The following ZNF90 variants were observed in gnomAD, a reference collection of about 807,000 sequenced individuals.
ZNF90 encodes zinc finger protein 90, also known as zinc finger protein HTF9.
ZNF90 carries 11 observed loss-of-function variants against 12.0 expected under a neutral mutation model. The observed-to-expected ratio is 0.92, with a 90% CI of 0.58 to 1.52. The LOEUF (loss-of-function observed/expected upper bound fraction) is 1.52, where lower values mean the gene tolerates loss of function less well. ZNF90 is among the 40% of genes most tolerant of loss of function. The pLI is 0.00. For synonymous variants in ZNF90, 232 were observed against 240.1 expected, an observed-to-expected ratio of 0.97 and a Z score of 0.31; for missense variants, 765 against 711.5, an observed-to-expected ratio of 1.08 and a Z score of -0.86.
chr19:20,090,912 G>T (rs1307176122), intron 1 of ZNF90, among the ~76,000 whole-genome samples: 4 of 152,140 alleles, frequency 2.6e-5, no homozygotes, highest in Admixed American at 2.6e-4. Context: ...CCATTAGTCC[G>T]TTCTACCTTT....
intron 1 of ZNF90, chr19:20,079,985 G>C (rs773876007): frequency 3.0e-6 from 1 of 334,470 alleles, no homozygotes; most frequent in Non-Finnish European, 5.7e-6. Context: ...GCCCAGGCTG[G>C]AGTGCAATGG....
chr19:20,104,279 T>G lies in ZNF90; in HGVS notation c.44T>G (p.Leu15Arg). The G allele has an allele frequency of 6.2e-7, 1 of 1,614,100 alleles. No homozygotes were observed. The highest frequency in any genetic ancestry group is 8.5e-7 in the Non-Finnish European group (1 of 1,179,980). Residue 15 changes from leucine to arginine, a missense_variant, in exon 2 of 4, where the codon CTG becomes CGG. Coordinates refer to ENST00000418063, the MANE Select transcript of ZNF90 (RefSeq NM_007138.2). ...AGAGATGTGGCCATAGAATTCTCTCTGGAGGAGTGGCATTGCCTGGACACT... is the reference window on the plus strand; with the variant it reads ...AGAGATGTGGCCATAGAATTCTCTCGGGAGGAGTGGCATTGCCTGGACACT... ...EFRDVAIEFS[L>R]EEWHCLDTAQ...
intron 1 of ZNF90, among the ~76,000 whole-genome samples, chr19:20,084,774 T>C (rs2088846049): frequency 6.6e-6 from 1 of 152,236 alleles, no homozygotes; most frequent in African/African-American, 2.4e-5. Context: ...GCTAGTTAGC[T>C]TCATATATGT....
At chr19:20,080,221 G>C (rs888042294) in intron 1 of ZNF90, 1 of 578,948 alleles carries the variant, frequency 1.7e-6, no homozygotes, top group Non-Finnish European at 3.4e-6. Context: ...TCCTGACGGT[G>C]TGCTGTTGAT....
rs375392718 is a variant in ZNF90, at chr19:20,119,622, CTT to C, written c.*276_*277del. On this transcript the variant is annotated 3_prime_UTR_variant, in exon 4 of 4. Coordinates refer to ENST00000418063, the MANE Select transcript of ZNF90 (RefSeq NM_007138.2). ...CAAAGCCTATAACAAGTTCTCAATT[CTT>C]TTTTTTTTTTTTTAAGAAGGAGTTT... The C allele has an allele frequency of 5.3e-3, 1,240 of 232,290 alleles. No individual in the cohort carries two copies. The highest frequency in any genetic ancestry group is 9.8e-3 in the South Asian group (131 of 13,326). The allele number at this position is 232,290 out of a possible 1,614,324, so 14.4% of individuals were successfully genotyped here.
At chr19:20,110,968 G>C (rs770143743) in intron 3 of ZNF90, among the ~76,000 whole-genome samples, 2 of 152,098 alleles carry the variant, frequency 1.3e-5, no homozygotes, top group Non-Finnish European at 2.9e-5. Flanking sequence ...ATTTTCTAAA[G>C]GACGTTGTTA....
rs547596661 is a variant in ZNF90 at position 20,094,437 on chromosome 19, C to T, written c.4-9802C>T. On this transcript the variant is annotated intron_variant, in intron 1 of 3. Coordinates refer to ENST00000418063, the MANE Select transcript of ZNF90 (RefSeq NM_007138.2). ...CTAAGGGTTGCTGCTAAGCGGGCCA[C>T]GACCTGGGCTGGGTTTTCATCTTCA... 5.8e-4 allele frequency among the ~76,000 whole-genome samples: 88 copies of T among 152,310 alleles called. 2 individuals are homozygous for T. The Middle Eastern group carries it at 0.027, about 47-fold the overall frequency.
chr19:20,089,785 G>A (rs993247372), intron 1 of ZNF90, among the ~76,000 whole-genome samples: 4 of 152,096 alleles, frequency 2.6e-5, no homozygotes, highest in African/African-American at 9.7e-5. Context: ...GTAGGGAGAC[G>A]GGGGGTGTTG....
At chr19:20,109,550 A>C (rs1222759796) in intron 3 of ZNF90, among the ~76,000 whole-genome samples, 1 of 152,114 alleles carries the variant, frequency 6.6e-6, no homozygotes, top group Non-Finnish European at 1.5e-5. Flanking sequence ...ACATAACATA[A>C]AATTTACCAT....
intron 3 of ZNF90, among the ~76,000 whole-genome samples, chr19:20,110,315 G>A (rs1468337126): frequency 1.3e-5 from 2 of 152,034 alleles, no homozygotes; most frequent in East Asian, 3.9e-4. Flanking sequence ...GTCTTGCTCT[G>A]TTGCCCAGGC....
chr19:20,104,408 G>T (rs1282850051), intron 2 of ZNF90, 43 bp downstream of exon 2: 2 of 1,543,772 alleles, frequency 1.3e-6, no homozygotes, highest in Non-Finnish European at 1.7e-6. Context: ...TACCCTAAAG[G>T]TTGTTTTTAT....
At chr19:20,113,524 T>G (rs911238904) in intron 3 of ZNF90, among the ~76,000 whole-genome samples, 1 of 151,514 alleles carries the variant, frequency 6.6e-6, no homozygotes, top group Admixed American at 6.6e-5. Context: ...TCTAGGTGAG[T>G]AGTCATAAAA....
chr19:20,103,658 A>C lies in ZNF90; in HGVS notation c.4-581A>C, dbSNP rs1230949467. Among the ~76,000 whole-genome samples the C allele has an allele frequency of 3.3e-5, 5 of 152,186 alleles. No individual in the cohort carries two copies. The East Asian group carries it at 9.6e-4, about 29-fold the overall frequency. On this transcript the variant is annotated intron_variant, in intron 1 of 3. Coordinates refer to ENST00000418063, the MANE Select transcript of ZNF90 (RefSeq NM_007138.2). ...ATTTTTTCTACATATTTTTGTTTGG[A>C]AAATGAAGGCTCTTTGTTTACAGGC...
chr19:20,093,178 G>A (rs1400017856), intron 1 of ZNF90, among the ~76,000 whole-genome samples: 3 of 152,238 alleles, frequency 2.0e-5, no homozygotes, highest in Non-Finnish European at 4.4e-5. Context: ...GCACCACAGG[G>A]TGGATAGGCA....
At chr19:20,101,600 G>A (rs78268428) in intron 1 of ZNF90, among the ~76,000 whole-genome samples, 1 of 152,138 alleles carries the variant, frequency 6.6e-6, no homozygotes, top group Non-Finnish European at 1.5e-5. Flanking sequence ...TATTTTAAAG[G>A]ACATAAATGG....
intron 1 of ZNF90, chr19:20,080,312 T>A: frequency 1.9e-6 from 1 of 538,418 alleles, no homozygotes; most frequent in Middle Eastern, 3.9e-4. Context: ...TGGACGATCC[T>A]TGTTTTACCA....
At chr19:20,086,662 TA>T (rs1468227214) in intron 1 of ZNF90, among the ~76,000 whole-genome samples, 1 of 152,226 alleles carries the variant, frequency 6.6e-6, no homozygotes, top group East Asian at 1.9e-4. Context: ...TTTTAATTTT[TA>T]AAACTATAAT....
At position 20,104,261 on chromosome 19, in the gene ZNF90, T is replaced by C. The variant is rs1555704155; in HGVS notation, c.26T>C (p.Val9Ala). ...CAGGGACCATTGGAATTTAGAGATG[T>C]GGCCATAGAATTCTCTCTGGAGGAG... Reference protein sequence around the residue: MGPLEFRDVAIEFSLEEWH... With the variant: MGPLEFRDAAIEFSLEEWH... Residue 9 changes from valine (V) to alanine (A), a missense_variant, in exon 2 of 4, where the codon GTG becomes GCG. Physicochemically the swap from Val to Ala is moderately conservative, Grantham distance 64. Transcript: ENST00000418063. The C allele has an allele frequency of 2.6e-5, 42 of 1,613,932 alleles. No individual in the cohort carries two copies. Among genetic ancestry groups the C allele is most frequent in the Non-Finnish European group, 3.5e-5 (41 of 1,179,968 alleles).
chr19:20,080,162 A>T, intron 1 of ZNF90: 1 of 443,574 alleles, frequency 2.3e-6, no homozygotes, highest in Non-Finnish European at 4.4e-6. Context: ...ATTGCAGGTC[A>T]GCAAGAATTG....
Sources: gnomAD v4.1 joint callset for allele counts (sites outside exome capture counted in the v4.1 genomes callset) on GRCh38, gnomAD v4.1.1 for gene constraint, MANE v1.5 for transcripts, NCBI Gene and HGNC (gene_info 2026-07-23, HGNC 2026-07-21) for gene names.